Variants in AOPEP observed in about 807,000 individuals in gnomAD.
AOPEP encodes the protein aminopeptidase O (putative).
In AOPEP, 77 loss-of-function variants were observed where a neutral mutation model predicts 98.1. The ratio of observed to expected loss-of-function variants is 0.78; its 90% confidence interval spans 0.65 to 0.95. The LOEUF is 0.95. Ranked by LOEUF, AOPEP falls within the 40% of genes least tolerant of loss-of-function variation. The probability of loss-of-function intolerance (pLI) is 0.00; values close to 1 mark genes in which losing one functional copy is unlikely to be tolerated. For synonymous variants in AOPEP, 346 were observed against 365.3 expected (o/e 0.95, Z 0.60); for missense variants, 1,024 against 1,024.7 (o/e 1.00, Z 0.01).
intron 1 of AOPEP, among the ~76,000 whole-genome samples, chr9:94,744,902 T>A (rs994669379): frequency 2.6e-5 from 4 of 152,078 alleles, no homozygotes; most frequent in African/African-American, 9.7e-5. Flanking sequence ...TCTGTTGACT[T>A]CTCATTTTCA....
At chr9:95,136,374 C>A in the AOPEP span, among the ~76,000 whole-genome samples, 1 of 151,970 alleles carries the variant, frequency 6.6e-6, no homozygotes, top group African/African-American at 2.4e-5. Flanking sequence ...AAGAGCAAGA[C>A]CCTGTCTCAA....
At chr9:94,900,806 G>T (rs2050293985) in intron 5 of AOPEP, 2 of 152,126 alleles carry the variant, frequency 1.3e-5, no homozygotes, top group Admixed American at 1.3e-4. Flanking sequence ...TTTCTACTTA[G>T]CTTTGAGTTC....
rs779824431 is a variant in AOPEP, at chr9:95,060,732, C to T, written c.2154C>T (p.Leu718=). 5.0e-6 allele frequency: 8 copies of T among 1,614,000 alleles called. No homozygotes were observed. In the Admixed American group the frequency reaches 1.3e-4, roughly 27 times the overall value. Reference sequence around the variant, plus strand: ...AGCTGGTCTTGCTTCTGGAGCATCTCTTGGAGCAGAAGACTCTGAGCCCCC... The same window carrying T: ...AGCTGGTCTTGCTTCTGGAGCATCTTTTGGAGCAGAAGACTCTGAGCCCCC... ...PDQLVLLLEH[L]LEQKTLSPRT... Residue 718 remains leucine, a synonymous_variant, in exon 14 of 17, where the codon CTC becomes CTT. Transcript: ENST00000375315.
intron 13 of AOPEP, among the ~76,000 whole-genome samples, chr9:95,031,552 C>T (rs2064301102): frequency 6.6e-6 from 1 of 152,164 alleles, no homozygotes; most frequent in South Asian, 2.1e-4. Flanking sequence ...CCCAGCTCTG[C>T]CAATGCCCCA....
At position 94,966,039 on chromosome 9, in the gene AOPEP, C is replaced by T. The variant is rs139276196; in HGVS notation, c.1873-1719C>T. ...GAGTCTTGTGTAGAGTCTGTATTTGCAGACTTGGTTCTATTGGGAGGCTTC... is the reference window on the plus strand; with the variant it reads ...GAGTCTTGTGTAGAGTCTGTATTTGTAGACTTGGTTCTATTGGGAGGCTTC... On this transcript the variant is annotated intron_variant, in intron 9 of 16. Transcript: ENST00000375315. 3.2e-3 allele frequency among the ~76,000 whole-genome samples: 480 copies of T among 148,118 alleles called. 4 individuals carry two copies. The highest frequency in any genetic ancestry group is 0.012 in the African/African-American group (464 of 39,108).
At chr9:94,781,231 T>C (rs1170589706) in intron 3 of AOPEP, among the ~76,000 whole-genome samples, 1 of 152,192 alleles carries the variant, frequency 6.6e-6, no homozygotes, top group Non-Finnish European at 1.5e-5. Context: ...CTGTGGCTTA[T>C]TGTTGGCCTA....
chr9:94,944,315 CA>C (rs1266557930), intron 7 of AOPEP, among the ~76,000 whole-genome samples: 1 of 152,062 alleles, frequency 6.6e-6, no homozygotes, highest in Non-Finnish European at 1.5e-5. Flanking sequence ...CATCATAGCC[CA>C]AAATGGAAAC....
intron 3 of AOPEP, among the ~76,000 whole-genome samples, chr9:94,787,262 C>G (rs1588207787): frequency 6.6e-6 from 1 of 152,348 alleles, no homozygotes; most frequent in Middle Eastern, 3.4e-3. Context: ...CTGCCACATC[C>G]TGCTGTGACT....
rs534899834 is a variant in AOPEP at position 95,036,616 on chromosome 9, G to C, written c.2116-24078G>C. On this transcript the variant is annotated intron_variant, in intron 13 of 16. Transcript: ENST00000375315. ...TCCTTTCGGTAAATGTCAGAATGTT[G>C]GGTTTTGTTTTATTTCTCCTCCTCC... Among the ~76,000 whole-genome samples, 5 of 151,702 alleles carry C rather than the reference G, an allele frequency of 3.3e-5. No homozygotes were observed. The South Asian group carries it at 1.0e-3, about 32-fold the overall frequency.
intron 5 of AOPEP, among the ~76,000 whole-genome samples, chr9:94,870,325 G>A (rs182945191): frequency 6.6e-6 from 1 of 152,252 alleles, no homozygotes; most frequent in African/African-American, 2.4e-5. Context: ...AAGGGGGGCA[G>A]TCAAAACATG....
chr9:94,727,895 C>T (rs1829572644), intron 1 of AOPEP, among the ~76,000 whole-genome samples: 1 of 152,140 alleles, frequency 6.6e-6, no homozygotes, highest in Non-Finnish European at 1.5e-5. Context: ...CTTCATACAA[C>T]CACCTCGTGA....
chr9:94,836,695 C>T (rs1014775014), intron 5 of AOPEP, among the ~76,000 whole-genome samples: 1 of 152,074 alleles, frequency 6.6e-6, no homozygotes, highest in Non-Finnish European at 1.5e-5. Context: ...CAAGTAATTT[C>T]AGTTTTGATG....
chr9:95,147,046 A>G, the AOPEP span, among the ~76,000 whole-genome samples: 71 of 150,300 alleles, frequency 4.7e-4, 1 homozygote, highest in African/African-American at 1.6e-3. Flanking sequence ...TATACAGTGT[A>G]TATTTTACTT....
intron 10 of AOPEP, among the ~76,000 whole-genome samples, chr9:94,969,086 C>T (rs2059379225): frequency 6.6e-6 from 1 of 152,146 alleles, no homozygotes; most frequent in Admixed American, 6.5e-5. Context: ...CAGTCTGGCT[C>T]TAGAACCTAT....
At chr9:94,962,441 C>T (rs563290728) in intron 9 of AOPEP, among the ~76,000 whole-genome samples, 1 of 152,226 alleles carries the variant, frequency 6.6e-6, no homozygotes, top group East Asian at 1.9e-4. Context: ...GGCTGGGGGT[C>T]GGTGCAGAGG....
chr9:94,872,619 A>G (rs1206544043), intron 5 of AOPEP, among the ~76,000 whole-genome samples: 2 of 152,142 alleles, frequency 1.3e-5, no homozygotes, highest in African/African-American at 4.8e-5. Context: ...TTAACCTCAA[A>G]TCCTGTTATC....
chr9:94,939,432 C>T (rs1269626886), intron 7 of AOPEP, among the ~76,000 whole-genome samples: 1 of 152,054 alleles, frequency 6.6e-6, no homozygotes, highest in Admixed American at 6.6e-5. Flanking sequence ...GATCCTGCCT[C>T]GTGTTAGGGA....
chr9:95,141,853 C>T, the AOPEP span, among the ~76,000 whole-genome samples: 10 of 152,120 alleles, frequency 6.6e-5, no homozygotes, highest in Non-Finnish European at 1.3e-4. Context: ...ATTAAGCTTA[C>T]ATCTGGTTTT....
intron 1 of AOPEP, among the ~76,000 whole-genome samples, chr9:94,742,713 G>A (rs550729023): frequency 4.1e-4 from 63 of 152,250 alleles, no homozygotes; most frequent in African/African-American, 1.5e-3. Flanking sequence ...GATTACAGAC[G>A]TGAGCCACTG....
Sources: allele counts gnomAD v4.1 joint callset (sites outside exome capture counted in the v4.1 genomes callset), GRCh38; gene constraint gnomAD v4.1.1; transcripts MANE v1.5; gene names NCBI Gene and HGNC (gene_info 2026-07-23, HGNC 2026-07-21).